Variants in MSRA observed in about 807,000 individuals in gnomAD.
MSRA encodes mitochondrial peptide methionine sulfoxide reductase.
MSRA carries 54 observed loss-of-function variants against 31.3 expected under a neutral mutation model. The observed-to-expected ratio is 1.73, with a 90% confidence interval of 1.39 to 2.17. The LOEUF (loss-of-function observed/expected upper bound fraction) is 2.17, where lower values mean the gene tolerates loss of function less well. MSRA is among the 30% of genes most tolerant of loss of function. The pLI, the probability that MSRA is intolerant of heterozygous loss-of-function variation, is 0.00. For missense variants in MSRA, 507 were observed against 300.9 expected (o/e 1.69, Z -5.07); for synonymous variants, 169 against 116.5 (o/e 1.45, Z -2.90).
chr8:10,212,359 G>A (rs1207650174), intron 2 of MSRA, among the ~76,000 whole-genome samples: 1 of 152,032 alleles, frequency 6.6e-6, no homozygotes. Flanking sequence ...CCTTTAACGA[G>A]GTTGTATATT....
intron 2 of MSRA, among the ~76,000 whole-genome samples, chr8:10,231,321 A>G (rs567376570): frequency 2.1e-4 from 32 of 152,314 alleles, no homozygotes; most frequent in African/African-American, 4.1e-4. Context: ...GAGATGAGTA[A>G]GAGGGAAGCA....
chr8:10,211,882 C>T (rs1471697280), intron 2 of MSRA, among the ~76,000 whole-genome samples: 2 of 152,122 alleles, frequency 1.3e-5, no homozygotes, highest in Non-Finnish European at 2.9e-5. Flanking sequence ...ACCAGCTACT[C>T]ATTGCCTTAA....
intron 1 of MSRA, among the ~76,000 whole-genome samples, chr8:10,094,040 C>G (rs1268048603): frequency 1.3e-5 from 2 of 152,172 alleles, no homozygotes; most frequent in African/African-American, 4.8e-5. Context: ...TCAAGATTCT[C>G]TTTAGTCTTT....
chr8:10,415,452 C>T (rs1362138495), intron 5 of MSRA, among the ~76,000 whole-genome samples: 1 of 152,146 alleles, frequency 6.6e-6, no homozygotes, highest in Non-Finnish European at 1.5e-5. Context: ...CACGTGGTTC[C>T]TTCAGTCTCC....
chr8:10,208,684 C>A (rs376619124), intron 2 of MSRA, among the ~76,000 whole-genome samples: 2 of 152,126 alleles, frequency 1.3e-5, no homozygotes, highest in East Asian at 3.9e-4. Context: ...AAAATGACGA[C>A]CTCTGTGCTC....
At chr8:10,121,716 G>C (rs1416724447) in intron 1 of MSRA, among the ~76,000 whole-genome samples, 1 of 151,694 alleles carries the variant, frequency 6.6e-6, no homozygotes, top group Non-Finnish European at 1.5e-5. Context: ...GTTTGCCTAG[G>C]CTGGCATGCA....
At chr8:10,170,968 G>C (rs1805537889) in intron 1 of MSRA, among the ~76,000 whole-genome samples, 1 of 152,198 alleles carries the variant, frequency 6.6e-6, no homozygotes, top group African/African-American at 2.4e-5. Context: ...TGTTGCATAG[G>C]CGTGGTGAGA....
chr8:10,179,278 A>G (rs114587723), intron 1 of MSRA, among the ~76,000 whole-genome samples: 3,399 of 152,306 alleles, frequency 0.022, 111 homozygotes, highest in African/African-American at 0.076. Context: ...TTGGATCTGC[A>G]TGCTAAATAG....
At chr8:10,263,789 A>T (rs966789542) in intron 3 of MSRA, among the ~76,000 whole-genome samples, 4 of 152,194 alleles carry the variant, frequency 2.6e-5, no homozygotes, top group African/African-American at 9.6e-5. Flanking sequence ...TTAGAGTGAG[A>T]TCTTCACAGT....
intron 5 of MSRA, among the ~76,000 whole-genome samples, chr8:10,423,998 G>A (rs1808974574): frequency 6.6e-6 from 1 of 152,244 alleles, no homozygotes; most frequent in South Asian, 2.1e-4. Context: ...GGTAGTGGAA[G>A]TGGCTTGGAG....
chr8:10,326,153 A>G (rs137931073), intron 5 of MSRA, among the ~76,000 whole-genome samples: 3 of 152,230 alleles, frequency 2.0e-5, no homozygotes, highest in African/African-American at 7.2e-5. Context: ...TACTAATTTA[A>G]TAGTCTTCTT....
intron 1 of MSRA, among the ~76,000 whole-genome samples, chr8:10,160,777 C>T (rs1481307139): frequency 6.6e-6 from 1 of 152,162 alleles, no homozygotes; most frequent in East Asian, 1.9e-4. Context: ...ATCCACACCC[C>T]TTGGCCTCCC....
chr8:10,364,979 T>G (rs558505856), intron 5 of MSRA, among the ~76,000 whole-genome samples: 1 of 152,248 alleles, frequency 6.6e-6, no homozygotes, highest in Non-Finnish European at 1.5e-5. Context: ...CATTTGCACC[T>G]CTCGCTTATA....
chr8:10,093,664 A>T (rs1798969175), intron 1 of MSRA, among the ~76,000 whole-genome samples: 1 of 152,218 alleles, frequency 6.6e-6, no homozygotes, highest in Non-Finnish European at 1.5e-5. Flanking sequence ...TTTAAAATAC[A>T]TTTATACTAT....
chr8:10,250,145 G>T (rs781240311), intron 3 of MSRA, among the ~76,000 whole-genome samples: 4 of 152,028 alleles, frequency 2.6e-5, no homozygotes, highest in Non-Finnish European at 5.9e-5. Context: ...TCAAACAGTT[G>T]TTATGCAAAC....
chr8:10,344,854 G>C (rs980652181), intron 5 of MSRA, among the ~76,000 whole-genome samples: 3 of 152,140 alleles, frequency 2.0e-5, no homozygotes, highest in Non-Finnish European at 2.9e-5. Context: ...AGTGTGTCAG[G>C]TGTCTATCAC....
chr8:10,343,020 T>TACACACACAC (rs572591443), intron 5 of MSRA, among the ~76,000 whole-genome samples: 2 of 132,640 alleles, frequency 1.5e-5, no homozygotes, highest in African/African-American at 5.6e-5. Flanking sequence ...GCATAAGCAT[T>TACACACACAC]ACACACACAC....
intron 1 of MSRA, among the ~76,000 whole-genome samples, chr8:10,207,175 C>T (rs2129059728): frequency 6.6e-6 from 1 of 152,242 alleles, no homozygotes; most frequent in Middle Eastern, 3.4e-3. Context: ...ATAACCTGGT[C>T]ACTTGTTACT....
intron 4 of MSRA, among the ~76,000 whole-genome samples, chr8:10,315,651 G>C (rs1156970650): frequency 1.3e-5 from 2 of 152,336 alleles, no homozygotes; most frequent in African/African-American, 2.4e-5. Flanking sequence ...GTGCACATGT[G>C]TGCTTGGTAC....
Sources: allele counts gnomAD v4.1 joint callset (sites outside exome capture counted in the v4.1 genomes callset), GRCh38; gene constraint gnomAD v4.1.1; transcripts MANE v1.5; gene names NCBI Gene and HGNC (gene_info 2026-07-23, HGNC 2026-07-21).